Variants in INPP5A observed in about 807,000 individuals in gnomAD.
The protein encoded by INPP5A is 43 kDa inositol polyphosphate 5-phophatase.
A neutral mutation model predicts 65.2 loss-of-function variants in INPP5A; 14 were observed. The ratio of observed to expected loss-of-function variants is 0.21; its 90% CI spans 0.14 to 0.34. INPP5A has a LOEUF of 0.34. Among genes scored for constraint, INPP5A ranks in the 10% least tolerant of loss-of-function variants. INPP5A has a pLI of 1.00. For synonymous variants in INPP5A, 207 were observed against 208.3 expected, an observed-to-expected ratio of 0.99 and a Z score of 0.05; for missense variants, 431 against 545.6, an observed-to-expected ratio of 0.79 and a Z score of 2.09.
Position 132,545,989 on chromosome 10 carries a change from A to C in INPP5A, c.75+7818A>C, listed in dbSNP as rs562859720. Among the ~76,000 whole-genome samples the C allele has an allele frequency of 6.6e-6, 1 of 152,314 alleles. No homozygotes were observed. The highest frequency in any genetic ancestry group is 2.1e-4 in the South Asian group (1 of 4,828). ...GTTCATGGTGTGTTTGGAGACGTGGAAGTGGCTCTGGAGGAGCGTCCACCA... is the reference window on the plus strand; with the variant it reads ...GTTCATGGTGTGTTTGGAGACGTGGCAGTGGCTCTGGAGGAGCGTCCACCA... On this transcript the variant is annotated intron_variant, in intron 1 of 15. Transcript: ENST00000368594. The surrounding 1 kb of genome is among the most constrained non-coding windows in gnomAD (Gnocchi z 4.6).
chr10:132,775,811 T>A (rs1283159855), intron 12 of INPP5A, among the ~76,000 whole-genome samples: 1 of 152,186 alleles, frequency 6.6e-6, no homozygotes, highest in African/African-American at 2.4e-5. Context: ...GCGGCTGTGC[T>A]TCCTGCCACG....
chr10:132,683,218 C>T (rs35845236), intron 4 of INPP5A, among the ~76,000 whole-genome samples: 6,221 of 146,834 alleles, frequency 0.042, 186 homozygotes, highest in Non-Finnish European at 0.067. Context: ...GTGGAGGGCA[C>T]GTGTCTGCCG....
intron 2 of INPP5A, among the ~76,000 whole-genome samples, chr10:132,620,697 A>T (rs1013909024): frequency 1.3e-5 from 2 of 152,196 alleles, no homozygotes; most frequent in African/African-American, 4.8e-5. Flanking sequence ...TGAACTCAAT[A>T]GTCCTATATC....
Position 132,591,867 on chromosome 10 carries a change from C to T in INPP5A, c.76-16048C>T, listed in dbSNP as rs187826959. On this transcript the variant is annotated intron_variant, in intron 1 of 15. Transcript: ENST00000368594. ...ATATGTCAGGTGAAATGGCACTGGGCGTAACGGGCGCCCTTGCTGTGTTTC... is the reference window on the plus strand; with the variant it reads ...ATATGTCAGGTGAAATGGCACTGGGTGTAACGGGCGCCCTTGCTGTGTTTC... Among the ~76,000 whole-genome samples, 221 of 152,260 alleles carry T rather than the reference C, an allele frequency of 1.5e-3. 1 individual carries two copies. Among genetic ancestry groups the T allele is most frequent in the Non-Finnish European group, 1.5e-3 (104 of 68,034 alleles).
At chr10:132,623,270 AC>A (rs1297827287) in intron 2 of INPP5A, among the ~76,000 whole-genome samples, 1 of 152,260 alleles carries the variant, frequency 6.6e-6, no homozygotes, top group Non-Finnish European at 1.5e-5. Flanking sequence ...AGCAATCACA[AC>A]AGTGTGCTCT....
At chr10:132,749,234 A>G (rs991282792) in intron 9 of INPP5A, among the ~76,000 whole-genome samples, 1 of 152,226 alleles carries the variant, frequency 6.6e-6, no homozygotes, top group Admixed American at 6.5e-5. Flanking sequence ...CTGGTGTCGC[A>G]CTGGCTTTTG....
At chr10:132,693,746 A>G (rs540224259) in intron 5 of INPP5A, among the ~76,000 whole-genome samples, 3 of 152,350 alleles carry the variant, frequency 2.0e-5, no homozygotes, top group Non-Finnish European at 4.4e-5. Context: ...CAGAATAGGC[A>G]GAGCAGACTT....
At chr10:132,642,600 C>G (rs75281428) in intron 2 of INPP5A, among the ~76,000 whole-genome samples, 2,303 of 152,334 alleles carry the variant, frequency 0.015, 33 homozygotes, top group South Asian at 0.039. Context: ...CCTCCCCTGT[C>G]ACTCCGGGAG....
At chr10:132,606,122 G>A (rs908524837) in intron 1 of INPP5A, among the ~76,000 whole-genome samples, 1 of 152,186 alleles carries the variant, frequency 6.6e-6, no homozygotes, top group Non-Finnish European at 1.5e-5. Context: ...TGGCTCCTGG[G>A]CAGGGCTGCT....
Position 132,684,057 on chromosome 10 carries a change from A to G in INPP5A, c.307-6335A>G, listed in dbSNP as rs530098430. ...TATGGTGAATTATTATGTAGCATTC[A>G]AAATAAGCTAAAATATGTCTTTATC... On this transcript the variant is annotated intron_variant, in intron 4 of 15. Transcript: ENST00000368594. Among the ~76,000 whole-genome samples, 7 of 152,378 alleles carry G rather than the reference A, an allele frequency of 4.6e-5. No individual in the cohort carries two copies. The East Asian group carries it at 5.8e-4, about 13-fold the overall frequency.
At chr10:132,579,247 G>A (rs1425648778) in intron 1 of INPP5A, among the ~76,000 whole-genome samples, 1 of 152,068 alleles carries the variant, frequency 6.6e-6, no homozygotes, top group African/African-American at 2.4e-5. Flanking sequence ...TGACGGAGGG[G>A]ACCGCGGGGC....
intron 4 of INPP5A, among the ~76,000 whole-genome samples, chr10:132,680,789 C>A (rs547683308): frequency 7.9e-5 from 12 of 152,362 alleles, no homozygotes; most frequent in South Asian, 4.1e-4. Flanking sequence ...AGGGGCTTAG[C>A]ACCCGGGCCA....
At chr10:132,672,071 CCCA>C (rs1450227808) in intron 4 of INPP5A, among the ~76,000 whole-genome samples, 1 of 152,178 alleles carries the variant, frequency 6.6e-6, no homozygotes, top group Non-Finnish European at 1.5e-5. Flanking sequence ...TAGTTCCTTT[CCCA>C]AGGATGTAGG....
At chr10:132,708,628 C>T (rs1845580746) in intron 7 of INPP5A, 2 of 567,920 alleles carry the variant, frequency 3.5e-6, no homozygotes, top group Admixed American at 2.3e-5. Flanking sequence ...CTCCCCGCAG[C>T]TGGAGAGTTC....
chr10:132,778,786 T>C (rs986028933), intron 13 of INPP5A, among the ~76,000 whole-genome samples: 13 of 152,158 alleles, frequency 8.5e-5, no homozygotes, highest in Admixed American at 3.9e-4. Flanking sequence ...ACCAGCTGTG[T>C]GAGGCTCCAG....
intron 1 of INPP5A, among the ~76,000 whole-genome samples, chr10:132,581,308 C>T (rs931111424): frequency 5.9e-5 from 9 of 152,198 alleles, no homozygotes; most frequent in Admixed American, 2.6e-4. Flanking sequence ...AGGAAACTTA[C>T]AATGATAGCA....
chr10:132,604,907 C>T (rs1332730973), intron 1 of INPP5A, among the ~76,000 whole-genome samples: 1 of 152,156 alleles, frequency 6.6e-6, no homozygotes, highest in Admixed American at 6.5e-5. Flanking sequence ...AGACTCAGAG[C>T]AAAGCAGGTG....
chr10:132,608,385 G>A (rs1288910829), intron 2 of INPP5A, among the ~76,000 whole-genome samples: 2 of 152,242 alleles, frequency 1.3e-5, no homozygotes, highest in Non-Finnish European at 2.9e-5. Flanking sequence ...GCGACCGGTT[G>A]GAGGGTTTCG....
chr10:132,718,987 T>C (rs1442335716), intron 8 of INPP5A, among the ~76,000 whole-genome samples: 1 of 147,326 alleles, frequency 6.8e-6, no homozygotes, highest in Non-Finnish European at 1.5e-5. Context: ...CTGTGGTACC[T>C]GGGTTCTGTC....
Sources: gnomAD v4.1 joint callset for allele counts (sites outside exome capture counted in the v4.1 genomes callset) on GRCh38, gnomAD v4.1.1 for gene constraint, Gnocchi (gnomAD v3.1) non-coding constraint, MANE v1.5 for transcripts, NCBI Gene and HGNC (gene_info 2026-07-23, HGNC 2026-07-21) for gene names.